FCMR: variants seen among roughly 807,000 people sequenced by gnomAD.
FCMR encodes immunoglobulin mu Fc receptor.
Under a neutral mutation model 41.6 loss-of-function variants are expected in FCMR, and 34 were observed. That is an observed-to-expected ratio of 0.82 (90% CI 0.62 to 1.09). FCMR has a LOEUF of 1.09. FCMR is among the 50% of genes least tolerant of loss of function. The pLI, the probability that FCMR is intolerant of heterozygous loss-of-function variation, is 0.00. For synonymous variants in FCMR, 209 were observed against 211.8 expected (o/e 0.99, Z 0.12); for missense variants, 496 against 512.5 (o/e 0.97, Z 0.31).
rs1364138019 is a variant in FCMR, at chr1:206,904,726, G to A, written c.*293C>T. 4 of 370,806 alleles carry A rather than the reference G, an allele frequency of 1.1e-5. No homozygotes were observed. Among genetic ancestry groups the A allele is most frequent in the Middle Eastern group, 8.7e-4 (1 of 1,154 alleles). The allele number at this position is 370,806 out of a possible 1,614,324, so 23.0% of individuals were successfully genotyped here. A position where few individuals can be genotyped will look rare whatever the true frequency, so the allele number is the denominator to read the frequency against. ...GTCAAAGACATGGAAGAAACACTCTGCAAATCCCACAGTCTGTTCGACGGC... is the reference window on the plus strand; with the variant it reads ...GTCAAAGACATGGAAGAAACACTCTACAAATCCCACAGTCTGTTCGACGGC... On this transcript the variant is annotated 3_prime_UTR_variant, in exon 8 of 8. Coordinates refer to ENST00000367091, the MANE Select transcript of FCMR (RefSeq NM_005449.5).
intron 1 of FCMR, among the ~76,000 whole-genome samples, chr1:206,918,691 G>T (rs1679300850): frequency 6.6e-6 from 1 of 151,080 alleles, no homozygotes; most frequent in African/African-American, 2.4e-5. Flanking sequence ...GTGTGTCTGT[G>T]CATGCTGGGT....
intron 7 of FCMR, among the ~76,000 whole-genome samples, chr1:206,907,348 G>A (rs1169946412): frequency 6.6e-6 from 1 of 152,156 alleles, no homozygotes; most frequent in Non-Finnish European, 1.5e-5. Context: ...AAGCTGGGAC[G>A]TGCACACGGT....
chr1:206,913,283 T>A (rs1208598199), intron 2 of FCMR, among the ~76,000 whole-genome samples: 1 of 152,184 alleles, frequency 6.6e-6, no homozygotes, highest in African/African-American at 2.4e-5. Context: ...GTTGAATTAC[T>A]GCTGCATATG....
chr1:206,920,996 T>C (rs1048616947), intron 1 of FCMR, among the ~76,000 whole-genome samples: 2 of 141,242 alleles, frequency 1.4e-5, no homozygotes, highest in African/African-American at 5.8e-5. Flanking sequence ...GTGAAATAGC[T>C]GGTTTGGATG....
At chr1:206,905,896 C>G (rs977986010) in intron 7 of FCMR, 2 of 168,112 alleles carry the variant, frequency 1.2e-5, no homozygotes, top group African/African-American at 4.8e-5. Flanking sequence ...AAGAGGGAAG[C>G]AGCAGCAGCT....
At chr1:206,912,870 A>G in intron 3 of FCMR, 59 bp downstream of exon 3, 1 of 1,187,384 alleles carries the variant, frequency 8.4e-7, no homozygotes, top group Non-Finnish European at 1.3e-6. Flanking sequence ...CCCCTCCTCC[A>G]TTTTCACATT....
rs1242683060 is a variant in FCMR at position 206,904,805 on chromosome 1, C to T, written c.*214G>A. The T allele has an allele frequency of 3.5e-6, 2 of 565,436 alleles. No individual in the cohort carries two copies. Among genetic ancestry groups the T allele is most frequent in the Non-Finnish European group, 3.2e-6 (1 of 313,680 alleles). 35.0% of individuals were successfully genotyped at this position (565,436 alleles called of 1,614,324 possible). ...AATTGCTCTACATGCCTACAGCTTA[C>T]CTGTCAACTACAGGGGGCTGCCAAG... is the stretch of plus-strand genomic sequence containing the variant. On this transcript the variant is annotated 3_prime_UTR_variant, in exon 8 of 8. Coordinates refer to ENST00000367091, the MANE Select transcript of FCMR (RefSeq NM_005449.5).
Position 206,905,219 on chromosome 1 carries a change from T to C in FCMR, c.1045-72A>G, listed in dbSNP as rs1193155135. On this transcript the variant is annotated intron_variant, in intron 7 of 7. Transcript: ENST00000367091. ...TAATATCTCCCCAGGTGGATTTTCA[T>C]AGTGGGCAATGGGGCATGGACATGG... 13 of 1,555,726 alleles carry C rather than the reference T, an allele frequency of 8.4e-6. No homozygotes were observed. In the South Asian group the frequency reaches 9.2e-5, roughly 11 times the overall value.
Position 206,914,094 on chromosome 1 carries a change from A to G in FCMR, c.38T>C (p.Val13Ala). 1 of 1,609,676 alleles carries G rather than the reference A, an allele frequency of 6.2e-7. No homozygotes were observed. The highest frequency in any genetic ancestry group is 1.1e-5 in the South Asian group (1 of 91,020). Residue 13 changes from valine to alanine, a missense_variant and splice_region_variant, in exon 2 of 8, where the codon GTA (valine) becomes GCA (alanine). Physicochemically the swap from Val to Ala is moderately conservative, Grantham distance 64. Coordinates refer to ENST00000367091, the MANE Select transcript of FCMR (RefSeq NM_005449.5). ...TGGGAGGATCCTCAGGGCCCCCGAT[A>G]CTGCAGGGAGAGGAGATTAATGCAG... ...FWLWPLYFLPVSGALRILPEV... is the reference protein window; with the variant it reads ...FWLWPLYFLPASGALRILPEV...
Position 206,904,926 on chromosome 1 carries a change from G to A in FCMR, c.*93C>T. 7.6e-7 allele frequency: 1 copy of A among 1,312,826 alleles called. No individual in the cohort carries two copies. 81.3% of individuals were successfully genotyped at this position (1,312,826 alleles called of 1,614,324 possible). A position where few individuals can be genotyped will look rare whatever the true frequency, so the allele number is the denominator to read the frequency against. On this transcript the variant is annotated 3_prime_UTR_variant, in exon 8 of 8. Transcript: ENST00000367091. The stretch of plus-strand genomic sequence containing the variant: ...GCATGGGAAGTGATGAGGGCTCTGA[G>A]AACACATGAAGCAGGTATTGGACAT...
At position 206,904,343 on chromosome 1, in the gene FCMR, T is replaced by C. The variant is rs1366158253; in HGVS notation, c.*676A>G. On this transcript the variant is annotated 3_prime_UTR_variant, in exon 8 of 8. Coordinates refer to ENST00000367091, the MANE Select transcript of FCMR (RefSeq NM_005449.5). ...AGGGGAGATGCTGAGGTCAGGGCAC[T>C]TATGTGCATCAAGTGATGGAGACAG... The C allele has an allele frequency of 6.6e-6, 1 of 151,842 alleles. No homozygotes were observed. Among genetic ancestry groups the C allele is most frequent in the East Asian group, 1.9e-4 (1 of 5,318 alleles). 9.4% of individuals were successfully genotyped at this position (151,842 alleles called of 1,614,324 possible). A position where few individuals can be genotyped will look rare whatever the true frequency, so the allele number is the denominator to read the frequency against.
chr1:206,914,634 T>A (rs1307069766), intron 1 of FCMR, among the ~76,000 whole-genome samples: 3 of 151,938 alleles, frequency 2.0e-5, no homozygotes, highest in East Asian at 3.9e-4. Flanking sequence ...GTTTTCATTA[T>A]GTTGCCCACG....
intron 1 of FCMR, chr1:206,921,367 G>A (rs1558007178): frequency 2.2e-6 from 1 of 445,934 alleles, no homozygotes; most frequent in Non-Finnish European, 4.5e-6. Context: ...TTGTGAAGCT[G>A]AGCCAGGAGG....
At chr1:206,919,895 C>T (rs1277621862) in intron 1 of FCMR, among the ~76,000 whole-genome samples, 2 of 152,188 alleles carry the variant, frequency 1.3e-5, no homozygotes, top group Non-Finnish European at 2.9e-5. Context: ...TGATGTTTCA[C>T]GTAAACTCCA....
chr1:206,918,321 G>C (rs974166792), intron 1 of FCMR, among the ~76,000 whole-genome samples: 1 of 152,014 alleles, frequency 6.6e-6, no homozygotes, highest in Non-Finnish European at 1.5e-5. Flanking sequence ...GCTAGCCCAG[G>C]CCCTGTGCCT....
chr1:206,909,735 C>T lies in FCMR; in HGVS notation c.975G>A (p.Ala325=), dbSNP rs748945365. ...CGCCCGGCGGCTCACCTGCAGCGTC[C>T]GCTCCACGAGCGCGCCGCGGGCAGG... is the stretch of plus-strand genomic sequence containing the variant. ...YSACPRRARG[A]DAAGTGEAPV... Residue 325 remains alanine, a synonymous_variant, in exon 6 of 8, where the codon GCG becomes GCA. Coordinates refer to ENST00000367091, the MANE Select transcript of FCMR (RefSeq NM_005449.5). This position sits in a 1 kb window ranked among gnomAD's most constrained non-coding sequence, Gnocchi z 5.0. 6.9e-6 allele frequency: 10 copies of T among 1,454,638 alleles called. No individual in the cohort carries two copies. In the African/African-American group the frequency reaches 1.2e-4, roughly 17 times the overall value. 90.1% of individuals were successfully genotyped at this position (1,454,638 alleles called of 1,614,324 possible).
chr1:206,907,747 T>C (rs1167452659), intron 7 of FCMR: 4 of 1,103,384 alleles, frequency 3.6e-6, no homozygotes, highest in Admixed American at 3.4e-5. Context: ...GCATCAACAT[T>C]TCTGGCAATT....
At chr1:206,921,559 C>A in intron 1 of FCMR, 1 of 554,330 alleles carries the variant, frequency 1.8e-6, no homozygotes, top group Non-Finnish European at 3.3e-6. Context: ...CATGATCACA[C>A]CACTGCACTC....
intron 1 of FCMR, 29 bp downstream of exon 1, chr1:206,921,789 G>A (rs1558007433): frequency 6.2e-7 from 1 of 1,606,578 alleles, no homozygotes; most frequent in African/African-American, 1.3e-5. Context: ...CTCATTCAGA[G>A]GTCTGAAGTG....
Sources: allele counts gnomAD v4.1 joint callset (sites outside exome capture counted in the v4.1 genomes callset), GRCh38; gene constraint gnomAD v4.1.1; non-coding constraint Gnocchi (gnomAD v3.1); transcripts MANE v1.5; gene names NCBI Gene and HGNC (gene_info 2026-07-23, HGNC 2026-07-21).